STIM1: variants seen among roughly 807,000 people sequenced by gnomAD.
The protein encoded by STIM1 is stromal interaction molecule 1.
In STIM1, 25 loss-of-function variants were observed where a neutral mutation model predicts 74.7. The observed-to-expected ratio is 0.33, with a 90% CI of 0.24 to 0.47. STIM1 has a LOEUF of 0.47. Among genes scored for constraint, STIM1 ranks in the 20% least tolerant of loss-of-function variants. The probability of loss-of-function intolerance (pLI) is 1.00; values close to 1 mark genes in which losing one functional copy is unlikely to be tolerated. For missense variants in STIM1, 728 were observed against 920.8 expected (o/e 0.79, Z 2.71); for synonymous variants, 328 against 348.8 (o/e 0.94, Z 0.66).
intron 3 of STIM1, among the ~76,000 whole-genome samples, chr11:4,038,079 G>A (rs868174487): frequency 6.0e-5 from 9 of 150,458 alleles, no homozygotes; most frequent in South Asian, 4.2e-4. Context: ...TTGTAACCCA[G>A]GCTGGAGTGC....
chr11:3,925,515 T>G (rs2092777033), intron 1 of STIM1, among the ~76,000 whole-genome samples: 1 of 152,238 alleles, frequency 6.6e-6, no homozygotes. Context: ...TTTTCATTAT[T>G]AAGCAGGACA....
At chr11:3,977,433 C>T (rs1242141471) in intron 2 of STIM1, among the ~76,000 whole-genome samples, 1 of 152,140 alleles carries the variant, frequency 6.6e-6, no homozygotes, top group Non-Finnish European at 1.5e-5. Context: ...AGCTTATGCT[C>T]TGGAATCATA....
At chr11:3,934,592 C>G (rs1462674119) in intron 1 of STIM1, among the ~76,000 whole-genome samples, 1 of 152,208 alleles carries the variant, frequency 6.6e-6, no homozygotes. Flanking sequence ...ATGAGGGAGA[C>G]TAGAGTCTCA....
intron 5 of STIM1, among the ~76,000 whole-genome samples, chr11:4,061,181 G>A (rs562027207): frequency 6.6e-6 from 1 of 152,320 alleles, no homozygotes; most frequent in South Asian, 2.1e-4. Context: ...GGTTAAAGCA[G>A]TCAAGGATTT....
intron 1 of STIM1, among the ~76,000 whole-genome samples, chr11:3,921,395 G>T (rs1003632572): frequency 6.6e-6 from 1 of 152,100 alleles, no homozygotes; most frequent in Non-Finnish European, 1.5e-5. Context: ...TTTTGCCTAG[G>T]GATATGTAAA....
intron 1 of STIM1, among the ~76,000 whole-genome samples, chr11:3,900,634 A>G (rs536495427): frequency 6.6e-6 from 1 of 152,314 alleles, no homozygotes; most frequent in South Asian, 2.1e-4. Context: ...TGCCCAGGCT[A>G]GAGTGCAGGT....
At chr11:3,906,088 A>G (rs186737546) in intron 1 of STIM1, among the ~76,000 whole-genome samples, 4 of 152,324 alleles carry the variant, frequency 2.6e-5, no homozygotes, top group Admixed American at 2.0e-4. Context: ...GCTGTGTGCT[A>G]TGGACTGTTA....
chr11:3,895,968 G>C (rs1406758363), intron 1 of STIM1, among the ~76,000 whole-genome samples: 2 of 147,438 alleles, frequency 1.4e-5, no homozygotes, highest in Non-Finnish European at 3.0e-5. Flanking sequence ...GTAGTGGCGC[G>C]ATCTCGGCTC....
chr11:3,901,547 A>G (rs1282379541), intron 1 of STIM1, among the ~76,000 whole-genome samples: 1 of 152,222 alleles, frequency 6.6e-6, no homozygotes, highest in Non-Finnish European at 1.5e-5. Flanking sequence ...ATACTTAATG[A>G]CAGCTTATGT....
chr11:4,028,597 C>T lies in STIM1; in HGVS notation c.385+4610C>T, dbSNP rs1014539489. Among the ~76,000 whole-genome samples, 20 of 150,712 alleles carry T rather than the reference C, an allele frequency of 1.3e-4. No individual in the cohort carries two copies. In the East Asian group the frequency reaches 2.4e-3, roughly 18 times the overall value. On this transcript the variant is annotated intron_variant, in intron 3 of 12. Transcript: ENST00000526596. ...CTAATTTTTGTATTTTTAGTAGAGA[C>T]GGGGTTTCACCATGTTGGACCAGGC...
At chr11:3,987,243 G>C (rs899315587) in intron 2 of STIM1, among the ~76,000 whole-genome samples, 2 of 152,222 alleles carry the variant, frequency 1.3e-5, no homozygotes, top group African/African-American at 4.8e-5. Context: ...GTAAGGGACT[G>C]TGCCTTAAAT....
At chr11:3,965,304 ATACT>A (rs1232797444) in intron 1 of STIM1, among the ~76,000 whole-genome samples, 3 of 152,322 alleles carry the variant, frequency 2.0e-5, no homozygotes, top group South Asian at 2.1e-4. Flanking sequence ...AAATTTGCTG[ATACT>A]TAATTATGAT....
chr11:3,927,157 T>C (rs2092799086), intron 1 of STIM1, among the ~76,000 whole-genome samples: 1 of 152,244 alleles, frequency 6.6e-6, no homozygotes, highest in Non-Finnish European at 1.5e-5. Context: ...CAGTTCACAG[T>C]TCACTGAGAA....
At chr11:3,856,957 G>A (rs981090512) in intron 1 of STIM1, among the ~76,000 whole-genome samples, 1 of 151,958 alleles carries the variant, frequency 6.6e-6, no homozygotes, top group South Asian at 2.1e-4. Context: ...ATATCCAGGC[G>A]GTTTCTTAGA....
At position 3,869,176 on chromosome 11, in the gene STIM1, A is replaced by G. The variant is rs539688454; in HGVS notation, c.139+12767A>G. Among the ~76,000 whole-genome samples the G allele has an allele frequency of 6.6e-5, 10 of 152,206 alleles. No homozygotes were observed. The South Asian group carries it at 1.7e-3, about 25-fold the overall frequency. On this transcript the variant is annotated intron_variant, in intron 1 of 12. Transcript: ENST00000526596. ...AGTAGAGATGGGTTTTCACCGTGTTAGCCAGAATGGTCTTGATCTCCTGAC... is the reference window on the plus strand; with the variant it reads ...AGTAGAGATGGGTTTTCACCGTGTTGGCCAGAATGGTCTTGATCTCCTGAC...
chr11:3,915,400 A>ATTT (rs34874358), intron 1 of STIM1, among the ~76,000 whole-genome samples: 5 of 143,314 alleles, frequency 3.5e-5, no homozygotes, highest in South Asian at 2.2e-4. Flanking sequence ...CTAGTTTTTA[A>ATTT]TTTTTTTTTT....
chr11:3,950,738 G>T (rs1412523697), intron 1 of STIM1, among the ~76,000 whole-genome samples: 1 of 152,136 alleles, frequency 6.6e-6, no homozygotes, highest in East Asian at 1.9e-4. Flanking sequence ...GGATCTTCCT[G>T]CCTCAGCCTC....
Position 4,091,686 on chromosome 11 carries a change from G to T in STIM1, c.2039G>T (p.Gly680Val). The T allele has an allele frequency of 6.2e-7, 1 of 1,614,232 alleles. No individual in the cohort carries two copies. Among genetic ancestry groups the T allele is most frequent in the Non-Finnish European group, 8.5e-7 (1 of 1,180,044 alleles). Residue 680 changes from glycine (G) to valine (V), a missense_variant, in exon 13 of 13, where the codon GGC becomes GTC. By Grantham distance (109) the Gly-to-Val change is moderately radical (BLOSUM62 -3). Around this residue, in one of 5 missense-constraint regions of STIM1, gnomAD observed 352 missense variants for 370.1 expected, o/e 0.95. Coordinates refer to ENST00000526596, the MANE Select transcript of STIM1 (RefSeq NM_001382567.1). ...SRNTRIPHLA[G>V]KKAVAEEDNG... ...AACACACGCATTCCCCACCTGGCTG[G>T]CAAGAAGGCTGTGGCTGAGGAGGAT...
At chr11:3,862,865 TACAC>T (rs201141361) in intron 1 of STIM1, among the ~76,000 whole-genome samples, 1 of 150,198 alleles carries the variant, frequency 6.7e-6, no homozygotes. Flanking sequence ...TATCTGTAAG[TACAC>T]ACACACACAC....
Sources: allele counts gnomAD v4.1 joint callset (sites outside exome capture counted in the v4.1 genomes callset), GRCh38; gene constraint gnomAD v4.1.1; regional missense constraint gnomAD v4.1.1; transcripts MANE v1.5; gene names NCBI Gene and HGNC (gene_info 2026-07-23, HGNC 2026-07-21).